The following VPS35L variants were observed in gnomAD, a reference collection of about 807,000 sequenced individuals.
The protein encoded by VPS35L is VPS35 endosomal protein-sorting factor-like.
Under a neutral mutation model 133.0 loss-of-function variants are expected in VPS35L, and 83 were observed. The ratio of observed to expected loss-of-function variants is 0.62; its 90% confidence interval spans 0.52 to 0.75. The LOEUF (loss-of-function observed/expected upper bound fraction) is 0.75. Among genes scored for constraint, VPS35L ranks in the 30% least tolerant of loss-of-function variants. The pLI is 0.00. For missense variants in VPS35L, 1,083 were observed against 1,206.8 expected (o/e 0.90, Z 1.52); for synonymous variants, 423 against 449.9 (o/e 0.94, Z 0.76).
At chr16:19,624,590 T>TC (rs1973201649) in intron 14 of VPS35L, among the ~76,000 whole-genome samples, 1 of 140,278 alleles carries the variant, frequency 7.1e-6, no homozygotes, top group South Asian at 2.3e-4. Flanking sequence ...TCTCTCTGTC[T>TC]CAAAAAACAA....
At chr16:19,647,686 A>T in intron 23 of VPS35L, 98 bp from the exon 24 acceptor site, 1 of 940,020 alleles carries the variant, frequency 1.1e-6, no homozygotes. Flanking sequence ...CACGTCATAA[A>T]GATGAGGTGG....
chr16:19,687,505 C>A (rs114574647), intron 28 of VPS35L, among the ~76,000 whole-genome samples: 2 of 152,138 alleles, frequency 1.3e-5, no homozygotes, highest in Admixed American at 1.3e-4. Flanking sequence ...TTGACTCCTG[C>A]GGCCCAGGGC....
chr16:19,576,987 G>T (rs1971560897), intron 5 of VPS35L, among the ~76,000 whole-genome samples: 1 of 152,170 alleles, frequency 6.6e-6, no homozygotes, highest in African/African-American at 2.4e-5. Flanking sequence ...GATTACAGGT[G>T]TGAGCTACCA....
rs540248595 is a variant in VPS35L at position 19,689,904 on chromosome 16, G to A, written c.2528-1449G>A. Among the ~76,000 whole-genome samples, 12 of 152,262 alleles carry A rather than the reference G, an allele frequency of 7.9e-5. No individual in the cohort carries two copies. In the East Asian group the frequency reaches 1.2e-3, roughly 15 times the overall value. Reference sequence around the variant, plus strand: ...TTGTATGCTGATATAAAAATAGCACGAAGATTTATTTTATTTTGTTTATTT... The same window carrying A: ...TTGTATGCTGATATAAAAATAGCACAAAGATTTATTTTATTTTGTTTATTT... On this transcript the variant is annotated intron_variant, in intron 28 of 30. Coordinates refer to ENST00000417362, the MANE Select transcript of VPS35L (RefSeq NM_020314.7).
chr16:19,628,596 T>A, intron 16 of VPS35L, 41 bp from the exon 17 acceptor site: 1 of 1,131,762 alleles, frequency 8.8e-7, no homozygotes, highest in Non-Finnish European at 1.3e-6. Flanking sequence ...GTTAATTTGA[T>A]TTAAAATTTC....
intron 6 of VPS35L, among the ~76,000 whole-genome samples, 185 bp from the exon 7 acceptor site, chr16:19,581,340 A>C (rs1326523110): frequency 6.6e-6 from 1 of 152,164 alleles, no homozygotes; most frequent in Non-Finnish European, 1.5e-5. Flanking sequence ...CACTCTGTCC[A>C]TCTTTGTCAG....
chr16:19,601,982 C>G (rs186804554), intron 9 of VPS35L, among the ~76,000 whole-genome samples: 2 of 152,006 alleles, frequency 1.3e-5, no homozygotes, highest in African/African-American at 4.8e-5. Context: ...AACTTTCACA[C>G]GAACATATTT....
In VPS35L at chr16:19,581,673, C is replaced by A. The variant is rs1567398553; in HGVS notation, c.639+20C>A. On this transcript the variant is annotated intron_variant, in intron 7 of 30. Coordinates refer to ENST00000417362, the MANE Select transcript of VPS35L (RefSeq NM_020314.7). Reference sequence around the variant, plus strand: ...ATCCAGGTTAGCTCTAGTGATCCCCCACCCCCACCCAGAATTTCCTATGTA... The same window carrying A: ...ATCCAGGTTAGCTCTAGTGATCCCCAACCCCCACCCAGAATTTCCTATGTA... 3.7e-6 allele frequency: 6 copies of A among 1,605,510 alleles called. No individual in the cohort carries two copies. The Admixed American group carries it at 6.7e-5, about 18-fold the overall frequency.
intron 9 of VPS35L, 98 bp downstream of exon 9, chr16:19,601,821 T>C (rs957218655): frequency 2.4e-6 from 3 of 1,255,954 alleles, no homozygotes; most frequent in Admixed American, 2.5e-5. Context: ...ATAAAGGTTT[T>C]AATTTTGGGT....
At chr16:19,594,297 T>C (rs1972132683) in intron 8 of VPS35L, among the ~76,000 whole-genome samples, 1 of 152,092 alleles carries the variant, frequency 6.6e-6, no homozygotes, top group Non-Finnish European at 1.5e-5. Flanking sequence ...GGAGAGGTGG[T>C]ATCAGGCTCT....
chr16:19,676,234 A>G (rs1975057768), intron 27 of VPS35L, among the ~76,000 whole-genome samples: 1 of 149,734 alleles, frequency 6.7e-6, no homozygotes. Context: ...CCTGGGTGAC[A>G]AGAGCAAAAC....
rs1976057084 is a variant in VPS35L at position 19,699,966 on chromosome 16, G to A, written c.2793+318G>A. Among the ~76,000 whole-genome samples, 1 of 152,120 alleles carries A rather than the reference G, an allele frequency of 6.6e-6. No homozygotes were observed. The highest frequency in any genetic ancestry group is 2.4e-5 in the African/African-American group (1 of 41,402). ...TAAAAAATTAGCCGGCCATGGTGGTGCACATGTGTAGTCCCAGCTACTCGG... is the reference window on the plus strand; with the variant it reads ...TAAAAAATTAGCCGGCCATGGTGGTACACATGTGTAGTCCCAGCTACTCGG... On this transcript the variant is annotated intron_variant, in intron 30 of 30. Transcript: ENST00000417362. The surrounding 1 kb of genome is among the most constrained non-coding windows in gnomAD (Gnocchi z 4.2).
intron 29 of VPS35L, among the ~76,000 whole-genome samples, chr16:19,696,131 G>A (rs573494717): frequency 1.4e-4 from 22 of 152,116 alleles, no homozygotes; most frequent in Admixed American, 7.9e-4. Context: ...TGATGCGCCC[G>A]CCTCAGCTTC....
intron 17 of VPS35L, 104 bp downstream of exon 17, chr16:19,628,857 T>G (rs2151566459): frequency 2.4e-6 from 1 of 416,896 alleles, no homozygotes; most frequent in East Asian, 5.4e-5. Context: ...AATGGCGCCA[T>G]CTCGGCTCAC....
rs1477622324 is a variant in VPS35L at position 19,588,200 on chromosome 16, G to A, written c.640-3590G>A. ...GTATGTATGTATGTATTTATTTATT[G>A]AGACAGAGTCTTGCTCTGTTGTCCA... On this transcript the variant is annotated intron_variant, in intron 7 of 30. Transcript: ENST00000417362. Among the ~76,000 whole-genome samples, 18 of 118,410 alleles carry A rather than the reference G, an allele frequency of 1.5e-4. No homozygotes were observed. The Admixed American group carries it at 1.6e-3, about 11-fold the overall frequency. 77.7% of individuals were successfully genotyped at this position (118,410 alleles called of 152,430 possible).
intron 29 of VPS35L, among the ~76,000 whole-genome samples, chr16:19,693,258 C>A (rs950872847): frequency 2.1e-4 from 32 of 151,744 alleles, no homozygotes; most frequent in African/African-American, 6.6e-4. Flanking sequence ...ATACCAGAGG[C>A]TGGGAAGGGT....
intron 15 of VPS35L, among the ~76,000 whole-genome samples, chr16:19,626,760 C>CA (rs1033592512): frequency 6.6e-6 from 1 of 151,734 alleles, no homozygotes; most frequent in Admixed American, 6.6e-5. Context: ...GACGCTGTCT[C>CA]AAAAAACAAA....
intron 1 of VPS35L, among the ~76,000 whole-genome samples, chr16:19,561,339 C>G (rs1971024248): frequency 6.6e-6 from 1 of 152,052 alleles, no homozygotes; most frequent in Admixed American, 6.6e-5. Flanking sequence ...CCACTGCACT[C>G]CAGCCTGGGC....
intron 29 of VPS35L, among the ~76,000 whole-genome samples, chr16:19,693,685 G>A (rs565339007): frequency 6.6e-6 from 1 of 152,264 alleles, no homozygotes; most frequent in African/African-American, 2.4e-5. Context: ...TTGGGAGGCT[G>A]AGGCAGAAGA....
Sources: gnomAD v4.1 joint callset for allele counts (sites outside exome capture counted in the v4.1 genomes callset) on GRCh38, gnomAD v4.1.1 for gene constraint, Gnocchi (gnomAD v3.1) non-coding constraint, MANE v1.5 for transcripts, NCBI Gene and HGNC (gene_info 2026-07-23, HGNC 2026-07-21) for gene names.